MKLN1: variants seen among roughly 807,000 people sequenced by gnomAD.
The protein encoded by MKLN1 is muskelin 1, also known as muskelin.
MKLN1 carries 18 observed loss-of-function variants against 99.0 expected under a neutral mutation model. The ratio of observed to expected loss-of-function variants is 0.18; its 90% CI spans 0.13 to 0.27. MKLN1 has a LOEUF of 0.27. Ranked by LOEUF, MKLN1 falls within the 10% of genes least tolerant of loss-of-function variation. MKLN1 has a pLI of 1.00. For synonymous variants in MKLN1, 288 were observed against 293.2 expected, an observed-to-expected ratio of 0.98 and a Z score of 0.18; for missense variants, 621 against 875.9, an observed-to-expected ratio of 0.71 and a Z score of 3.67.
At chr7:131,461,120 A>T (rs1796501676) in intron 12 of MKLN1, among the ~76,000 whole-genome samples, 1 of 151,988 alleles carries the variant, frequency 6.6e-6, no homozygotes. Context: ...TCCCTCCTAT[A>T]CTTTAAGTCA....
intron 1 of MKLN1, among the ~76,000 whole-genome samples, chr7:131,142,366 G>A (rs1315935000): frequency 4.0e-5 from 6 of 151,216 alleles, no homozygotes; most frequent in South Asian, 2.1e-4. Context: ...AGCCAAGATC[G>A]CGCCACTGTA....
At position 131,489,378 on chromosome 7, in the gene MKLN1, A is replaced by G. The variant is rs1797367609; in HGVS notation, c.*1650A>G. The stretch of plus-strand genomic sequence containing the variant: ...TTACTTGTGAAAGGTATGCTATATA[A>G]TTCAGCAAGTACCAACTTGTGTAGC... On this transcript the variant is annotated 3_prime_UTR_variant, in exon 18 of 18. Coordinates refer to ENST00000352689, the MANE Select transcript of MKLN1 (RefSeq NM_013255.5). 1 of 152,162 alleles carries G rather than the reference A, an allele frequency of 6.6e-6. No homozygotes were observed. The highest frequency in any genetic ancestry group is 1.5e-5 in the Non-Finnish European group (1 of 68,014). 9.4% of individuals were successfully genotyped at this position (152,162 alleles called of 1,614,324 possible).
At chr7:131,362,608 A>T (rs972166209) in intron 1 of MKLN1, among the ~76,000 whole-genome samples, 1 of 151,818 alleles carries the variant, frequency 6.6e-6, no homozygotes, top group East Asian at 1.9e-4. Flanking sequence ...CCAATTATAT[A>T]TTTTTTTGTC....
intron 7 of MKLN1, 80 bp from the exon 8 acceptor site, chr7:131,414,565 T>A: frequency 1.0e-6 from 1 of 964,716 alleles, no homozygotes; most frequent in Non-Finnish European, 1.6e-6. Flanking sequence ...TTACTACTGA[T>A]TACAGACTTA....
At chr7:131,170,379 T>C (rs562153792) in intron 2 of MKLN1, among the ~76,000 whole-genome samples, 14 of 152,352 alleles carry the variant, frequency 9.2e-5, no homozygotes, top group African/African-American at 3.4e-4. Context: ...TTGGCTGTTT[T>C]GCCTTCTCTG....
chr7:131,190,182 T>C (rs1796513574), intron 2 of MKLN1, among the ~76,000 whole-genome samples: 1 of 152,052 alleles, frequency 6.6e-6, no homozygotes, highest in Non-Finnish European at 1.5e-5. Context: ...AGATGTCAAG[T>C]AGGATAAGCT....
intron 7 of MKLN1, among the ~76,000 whole-genome samples, chr7:131,412,545 C>CCT (rs1223268570): frequency 6.6e-6 from 1 of 152,168 alleles, no homozygotes; most frequent in Non-Finnish European, 1.5e-5. Flanking sequence ...TGGGCTCATG[C>CCT]CTCTGTCTTT....
chr7:131,414,436 G>T (rs1175137088), intron 7 of MKLN1, among the ~76,000 whole-genome samples: 1 of 152,004 alleles, frequency 6.6e-6, no homozygotes, highest in Non-Finnish European at 1.5e-5. Context: ...GTTCATTAAT[G>T]TCCTGAAAGC....
At chr7:131,168,851 A>G (rs1044301007) in intron 2 of MKLN1, among the ~76,000 whole-genome samples, 7 of 150,576 alleles carry the variant, frequency 4.6e-5, no homozygotes, top group Non-Finnish European at 1.0e-4. Context: ...ACCAAATTGA[A>G]ATTTAAATCG....
intron 17 of MKLN1, among the ~76,000 whole-genome samples, chr7:131,483,412 A>G (rs1797180256): frequency 6.6e-6 from 1 of 152,204 alleles, no homozygotes; most frequent in South Asian, 2.1e-4. Flanking sequence ...CTCATTATTC[A>G]AAGAGTACAG....
intron 3 of MKLN1, among the ~76,000 whole-genome samples, chr7:131,280,266 T>C (rs1798031759): frequency 6.6e-6 from 1 of 152,244 alleles, no homozygotes; most frequent in South Asian, 2.1e-4. Context: ...GCTATGAGCA[T>C]TCACGTACAG....
At chr7:131,403,749 C>T (rs1377991685) in intron 6 of MKLN1, among the ~76,000 whole-genome samples, 2 of 152,240 alleles carry the variant, frequency 1.3e-5, no homozygotes, top group African/African-American at 4.8e-5. Flanking sequence ...GAAGTCAGAA[C>T]ACACACAACA....
intron 7 of MKLN1, among the ~76,000 whole-genome samples, chr7:131,412,100 A>G (rs1014302929): frequency 5.3e-5 from 8 of 151,926 alleles, no homozygotes; most frequent in Non-Finnish European, 1.2e-4. Context: ...AAACAAAACA[A>G]TAACCACAGC....
intron 2 of MKLN1, among the ~76,000 whole-genome samples, chr7:131,184,498 C>A (rs1796420447): frequency 6.6e-6 from 1 of 151,936 alleles, no homozygotes; most frequent in Non-Finnish European, 1.5e-5. Flanking sequence ...ATGGGGACTT[C>A]CAAAGCCTTC....
chr7:131,176,179 AAAT>A (rs1318803221), intron 2 of MKLN1, among the ~76,000 whole-genome samples: 2 of 152,188 alleles, frequency 1.3e-5, no homozygotes, highest in Admixed American at 6.5e-5. Context: ...AATTTATACG[AAAT>A]AATAATTTCC....
At chr7:131,421,811 G>A (rs1239645294) in intron 8 of MKLN1, among the ~76,000 whole-genome samples, 1 of 152,140 alleles carries the variant, frequency 6.6e-6, no homozygotes, top group Non-Finnish European at 1.5e-5. Context: ...GAAAAGCAGT[G>A]TTGAGGGGAA....
chr7:131,351,914 C>G (rs1457109381), intron 1 of MKLN1, among the ~76,000 whole-genome samples: 1 of 152,168 alleles, frequency 6.6e-6, no homozygotes, highest in African/African-American at 2.4e-5. Context: ...TTGGATTTCT[C>G]TCATCTTACC....
chr7:131,475,316 T>C (rs181153601), intron 16 of MKLN1, among the ~76,000 whole-genome samples: 2 of 152,218 alleles, frequency 1.3e-5, no homozygotes, highest in Admixed American at 1.3e-4. Context: ...ATAGAAAATC[T>C]TAAGGAACTC....
chr7:131,453,565 T>G (rs1796248204), intron 12 of MKLN1, among the ~76,000 whole-genome samples: 1 of 152,144 alleles, frequency 6.6e-6, no homozygotes, highest in Non-Finnish European at 1.5e-5. Flanking sequence ...TGGGAAAATC[T>G]GGATCCCTAC....
Sources: gnomAD v4.1 joint callset for allele counts (sites outside exome capture counted in the v4.1 genomes callset) on GRCh38, gnomAD v4.1.1 for gene constraint, MANE v1.5 for transcripts, NCBI Gene and HGNC (gene_info 2026-07-23, HGNC 2026-07-21) for gene names.